The following HEATR1 variants were observed in gnomAD, a reference collection of about 807,000 sequenced individuals.
HEATR1 encodes the protein HEAT repeat containing 1.
Under a neutral mutation model 248.2 loss-of-function variants are expected in HEATR1, and 77 were observed. The observed-to-expected ratio is 0.31, with a 90% CI of 0.26 to 0.37. The LOEUF (loss-of-function observed/expected upper bound fraction) is 0.37. Among genes scored for constraint, HEATR1 ranks in the 10% least tolerant of loss-of-function variants. The pLI, the probability that HEATR1 is intolerant of heterozygous loss-of-function variation, is 1.00. For missense variants in HEATR1, 2,420 were observed against 2,504.9 expected (o/e 0.97, Z 0.72); for synonymous variants, 897 against 923.1 (o/e 0.97, Z 0.51).
At position 236,550,161 on chromosome 1, in the gene HEATR1, A is replaced by T. The variant is rs1558172542; in HGVS notation, c.*741T>A. On this transcript the variant is annotated 3_prime_UTR_variant, in exon 45 of 45. Coordinates refer to ENST00000366582, the MANE Select transcript of HEATR1 (RefSeq NM_018072.6). ...TTACTTTCTTAGACAAGTAGTTCTTAGTTAACCACCAATGGAACTGGGTTC... is the reference window on the plus strand; with the variant it reads ...TTACTTTCTTAGACAAGTAGTTCTTTGTTAACCACCAATGGAACTGGGTTC... 6.6e-6 allele frequency: 1 copy of T among 152,244 alleles called. No homozygotes were observed. Among genetic ancestry groups the T allele is most frequent in the Non-Finnish European group, 1.5e-5 (1 of 68,036 alleles). 9.4% of individuals were successfully genotyped at this position (152,244 alleles called of 1,614,324 possible). A position where few individuals can be genotyped will look rare whatever the true frequency, so the allele number is the denominator to read the frequency against.
At chr1:236,581,886 A>G (rs1420316399) in intron 19 of HEATR1, among the ~76,000 whole-genome samples, 2 of 152,198 alleles carry the variant, frequency 1.3e-5, no homozygotes, top group Non-Finnish European at 2.9e-5. Context: ...GTATTAACCA[A>G]TCAAAAAGAC....
rs752471097 is a variant in HEATR1 at position 236,550,989 on chromosome 1, A to T, written c.6348T>A (p.Asp2116Glu). The T allele has an allele frequency of 7.0e-7, 1 of 1,418,524 alleles. No homozygotes were observed. The highest frequency in any genetic ancestry group is 9.4e-7 in the Non-Finnish European group (1 of 1,068,392). The allele number at this position is 1,418,524 out of a possible 1,614,324, so 87.9% of individuals were successfully genotyped here. A position where few individuals can be genotyped will look rare whatever the true frequency, so the allele number is the denominator to read the frequency against. The change falls in exon 45 of 45, where the codon GAT (aspartate) becomes GAA (glutamate). Residue 2116 changes from aspartate to glutamate, a missense_variant and splice_region_variant. Physicochemically the swap from Asp to Glu is conservative, Grantham distance 45. Coordinates refer to ENST00000366582, the MANE Select transcript of HEATR1 (RefSeq NM_018072.6). ...SIPFLAELME[D>E]ECEEVEHQCQ... is the part of the protein sequence containing the mutation. ...ACTGATGTTCTACTTCTTCACATTCATCTAAAAAAAAAAAAAAAAAATCAA... is the reference window on the plus strand; with the variant it reads ...ACTGATGTTCTACTTCTTCACATTCTTCTAAAAAAAAAAAAAAAAAATCAA...
chr1:236,569,702 C>T (rs556248609), intron 28 of HEATR1, among the ~76,000 whole-genome samples: 1 of 152,198 alleles, frequency 6.6e-6, no homozygotes, highest in East Asian at 1.9e-4. Context: ...AATGGTGTGG[C>T]CACTATGGAA....
intron 8 of HEATR1, among the ~76,000 whole-genome samples, chr1:236,594,775 A>G (rs1349333381): frequency 6.6e-6 from 1 of 152,192 alleles, no homozygotes; most frequent in Non-Finnish European, 1.5e-5. Context: ...ATTAAAAGAC[A>G]TAATGCAAAT....
chr1:236,582,309 T>C (rs1049189398), intron 19 of HEATR1, among the ~76,000 whole-genome samples: 1 of 152,098 alleles, frequency 6.6e-6, no homozygotes, highest in Non-Finnish European at 1.5e-5. Context: ...CGTTTCACCA[T>C]GTTAGCCAGG....
At position 236,559,719 on chromosome 1, in the gene HEATR1, C is replaced by T. The variant is rs1663071770; in HGVS notation, c.4765G>A (p.Asp1589Asn). ...ALLSKAYDLL[D>N]KVNALLPTET... ...AGGGAGAAATGAACACCTACCTTAT[C>T]TAACAGGTCGTAAGCTTTACTAAGG... The change falls in exon 34 of 45, where the codon GAT becomes AAT. Residue 1589 changes from aspartate to asparagine, a missense_variant. Transcript: ENST00000366582. The T allele has an allele frequency of 1.9e-6, 3 of 1,608,918 alleles. No individual in the cohort carries two copies. The East Asian group carries it at 6.7e-5, about 36-fold the overall frequency.
In HEATR1 at chr1:236,555,295, C is replaced by T. The variant is rs755187758; in HGVS notation, c.5923+1G>A. On this transcript the variant is annotated splice_donor_variant, in intron 41 of 44. Transcript: ENST00000366582. LOFTEE classifies it high-confidence loss of function. ...ACAGCTGAACTGAAGCGACCACCCACCTGTTTTGGAGATGTTCACCTGGTT... is the reference window on the plus strand; with the variant it reads ...ACAGCTGAACTGAAGCGACCACCCATCTGTTTTGGAGATGTTCACCTGGTT... 6.2e-7 allele frequency: 1 copy of T among 1,613,906 alleles called. No homozygotes were observed.
chr1:236,589,566 A>G (rs1388100789), intron 12 of HEATR1, among the ~76,000 whole-genome samples: 3 of 152,224 alleles, frequency 2.0e-5, no homozygotes, highest in Non-Finnish European at 4.4e-5. Flanking sequence ...AATGAAGATG[A>G]ACTTAGTGTG....
In HEATR1 at chr1:236,585,931, A is replaced by G. The variant is rs757330710; in HGVS notation, c.1938T>C (p.Asn646=). Reference sequence around the variant, plus strand: ...TTCCTGGCTTTGTGCTTTTAATTACATTTTCAAGAGCTGTAAAGTAAAATC... The same window carrying G: ...TTCCTGGCTTTGTGCTTTTAATTACGTTTTCAAGAGCTGTAAAGTAAAATC... The part of the protein sequence containing the change: ...LLRGWEEALE[N]VIKSTKPGKL... The change falls in exon 16 of 45, where the codon AAT becomes AAC. Residue 646 remains asparagine, a synonymous_variant. Coordinates refer to ENST00000366582, the MANE Select transcript of HEATR1 (RefSeq NM_018072.6). 1.5e-5 allele frequency: 25 copies of G among 1,613,188 alleles called. No homozygotes were observed. Among genetic ancestry groups the G allele is most frequent in the Non-Finnish European group, 2.0e-5 (24 of 1,179,578 alleles).
At chr1:236,581,158 A>C (rs1332290613) in intron 20 of HEATR1, 64 bp downstream of exon 20, 2 of 1,379,370 alleles carry the variant, frequency 1.4e-6, no homozygotes, top group East Asian at 4.6e-5. Flanking sequence ...CAAACTACAT[A>C]AACCATATAG....
Position 236,597,959 on chromosome 1 carries a change from A to G in HEATR1, c.522T>C (p.Ala174=), listed in dbSNP as rs544247452. 1 of 1,613,030 alleles carries G rather than the reference A, an allele frequency of 6.2e-7. No homozygotes were observed. The highest frequency in any genetic ancestry group is 2.2e-5 in the East Asian group (1 of 44,846). ...AGCAGTGGGTAATCAAAGTTCCTTTAGCTAACGGCACTCCAGATTGCTGTT... is the reference window on the plus strand; with the variant it reads ...AGCAGTGGGTAATCAAAGTTCCTTTGGCTAACGGCACTCCAGATTGCTGTT... ...LPVKQSGVPL[A]KGTLITHCYK... The change falls in exon 5 of 45, where the codon GCT becomes GCC. Residue 174 remains alanine (A), a synonymous_variant. Coordinates refer to ENST00000366582, the MANE Select transcript of HEATR1 (RefSeq NM_018072.6).
At chr1:236,603,896 A>C (rs1046800032) in intron 2 of HEATR1, 58 bp downstream of exon 2, 29 of 1,549,196 alleles carry the variant, frequency 1.9e-5, no homozygotes, top group African/African-American at 9.9e-5. Flanking sequence ...AAAAAAAAAC[A>C]GTAACATCCA....
Position 236,597,869 on chromosome 1 carries a change from AC to A in HEATR1, c.603+8del, listed in dbSNP as rs759712874. 5 of 1,583,186 alleles carry A rather than the reference AC, an allele frequency of 3.2e-6. No individual in the cohort carries two copies. Among genetic ancestry groups the A allele is most frequent in the Non-Finnish European group, 4.3e-6 (5 of 1,153,022 alleles). ...ATAAAATTATATACTCATGAAACAG[AC>A]TGCTCACCTTCACAGATTTTGTCAC... is the stretch of plus-strand genomic sequence containing the variant. On this transcript the variant is annotated splice_region_variant and intron_variant, in intron 5 of 44. Coordinates refer to ENST00000366582, the MANE Select transcript of HEATR1 (RefSeq NM_018072.6).
At position 236,571,414 on chromosome 1, in the gene HEATR1, C is replaced by T. The variant is rs765564114; in HGVS notation, c.3885G>A (p.Ser1295=). 2.5e-6 allele frequency: 4 copies of T among 1,613,134 alleles called. No individual in the cohort carries two copies. Among genetic ancestry groups the T allele is most frequent in the African/African-American group, 2.7e-5 (2 of 74,852 alleles). Residue 1295 remains serine, a synonymous_variant, in exon 28 of 45, where the codon TCG becomes TCA. Transcript: ENST00000366582. ...CATGGTGATGGGTCTGCGGCATCTC[C>T]GAAAGGCGGATGCACTGAACTATCA... ...VELIVQCIRL[S]EMPQTHHHAL...
rs777943274 is a variant in HEATR1 at position 236,585,124 on chromosome 1, A to G, written c.2142T>C (p.Cys714=). ...FHVILSVLVS[C]CSSLKETHFP... Reference sequence around the variant, plus strand: ...AGTGGGTTTCTTTTAAAGATGAACAACAAGAGACGAGCACAGACAGGATCA... The same window carrying G: ...AGTGGGTTTCTTTTAAAGATGAACAGCAAGAGACGAGCACAGACAGGATCA... The change falls in exon 17 of 45, where the codon TGT becomes TGC. Residue 714 remains cysteine (C), a synonymous_variant. Transcript: ENST00000366582. 3.1e-6 allele frequency: 5 copies of G among 1,614,112 alleles called. No homozygotes were observed. In the East Asian group the frequency reaches 8.9e-5, roughly 29 times the overall value.
At chr1:236,582,299 C>T (rs900270195) in intron 19 of HEATR1, among the ~76,000 whole-genome samples, 3 of 151,796 alleles carry the variant, frequency 2.0e-5, no homozygotes, top group Non-Finnish European at 4.4e-5. Flanking sequence ...GTAGAGACGG[C>T]GTTTCACCAT....
intron 19 of HEATR1, among the ~76,000 whole-genome samples, chr1:236,581,884 C>G (rs1160991221): frequency 6.6e-6 from 1 of 152,050 alleles, no homozygotes; most frequent in Non-Finnish European, 1.5e-5. Flanking sequence ...TGGTATTAAC[C>G]AATCAAAAAG....
intron 38 of HEATR1, 55 bp from the exon 39 acceptor site, chr1:236,555,994 G>A: frequency 1.2e-6 from 2 of 1,607,404 alleles, no homozygotes; most frequent in Admixed American, 1.7e-5. Context: ...CTAGAGTTCA[G>A]CGGTGTGTAT....
At chr1:236,584,123 G>A (rs998792215) in intron 17 of HEATR1, among the ~76,000 whole-genome samples, 5 of 152,056 alleles carry the variant, frequency 3.3e-5, no homozygotes, top group African/African-American at 1.2e-4. Flanking sequence ...TGCTGCTACA[G>A]GCGAAAACAT....
Sources: allele counts gnomAD v4.1 joint callset (sites outside exome capture counted in the v4.1 genomes callset), GRCh38; gene constraint gnomAD v4.1.1; transcripts MANE v1.5; gene names NCBI Gene and HGNC (gene_info 2026-07-23, HGNC 2026-07-21).